The following GARS1 variants were observed in gnomAD, a reference collection of about 807,000 sequenced individuals.
GARS1 encodes glycine--tRNA ligase.
GARS1 carries 46 observed loss-of-function variants against 86.4 expected under a neutral mutation model. That is an observed-to-expected ratio of 0.53 (90% CI 0.42 to 0.68). The LOEUF is 0.68. Among genes scored for constraint, GARS1 ranks in the 30% least tolerant of loss-of-function variants. The pLI is 0.00. For synonymous variants in GARS1, 342 were observed against 329.8 expected (o/e 1.04, Z -0.40); for missense variants, 797 against 915.6 (o/e 0.87, Z 1.67).
At chr7:30,600,130 G>C (rs898416782) in intron 3 of GARS1, 81 bp downstream of exon 3, 1 of 1,026,574 alleles carries the variant, frequency 9.7e-7, no homozygotes, top group Non-Finnish European at 1.5e-6. Flanking sequence ...TGGCTTGCCT[G>C]TTGGTATCCA....
intron 6 of GARS1, among the ~76,000 whole-genome samples, chr7:30,603,890 G>A (rs1229492584): frequency 2.0e-5 from 3 of 152,192 alleles, no homozygotes; most frequent in Non-Finnish European, 4.4e-5. Flanking sequence ...CAGCACTGGT[G>A]TGGAGACTTC....
intron 13 of GARS1, among the ~76,000 whole-genome samples, chr7:30,627,809 C>CTTT (rs548892682): frequency 4.4e-4 from 67 of 152,316 alleles, no homozygotes; most frequent in African/African-American, 1.5e-3. Context: ...CCATGTAATA[C>CTTT]TTTTTGCATG....
At chr7:30,595,826 C>T in intron 1 of GARS1, 2 of 471,066 alleles carry the variant, frequency 4.2e-6, no homozygotes, top group South Asian at 1.5e-5. Context: ...CTGAAAAGGC[C>T]GTTTGGAACC....
Position 30,621,284 on chromosome 7 carries a change from C to T in GARS1, c.1360-109C>T. 1.2e-5 allele frequency: 11 copies of T among 901,692 alleles called. No homozygotes were observed. In the South Asian group the frequency reaches 1.3e-4, roughly 11 times the overall value. 55.9% of individuals were successfully genotyped at this position (901,692 alleles called of 1,614,324 possible). ...GAAATTTGAATGAAGATTATATCAT[C>T]GAATTATCATTGAATATATGAAAGG... On this transcript the variant is annotated intron_variant, in intron 10 of 16. Coordinates refer to ENST00000389266, the MANE Select transcript of GARS1 (RefSeq NM_002047.4).
intron 8 of GARS1, among the ~76,000 whole-genome samples, chr7:30,614,866 C>T (rs1249989762): frequency 7.2e-6 from 1 of 139,642 alleles, no homozygotes; most frequent in African/African-American, 2.8e-5. Flanking sequence ...AGCGAGACTC[C>T]GTCTCAAAAA....
At chr7:30,627,102 A>G (rs1270181907) in intron 13 of GARS1, 1 of 457,060 alleles carries the variant, frequency 2.2e-6, no homozygotes. Context: ...AGCACGTATG[A>G]AGGATGCTGA....
rs1242157793 is a variant in GARS1 at position 30,632,194 on chromosome 7, C to T, written c.1904-53C>T. The T allele has an allele frequency of 6.4e-7, 1 of 1,551,070 alleles. No individual in the cohort carries two copies. The highest frequency in any genetic ancestry group is 8.9e-7 in the Non-Finnish European group (1 of 1,129,092). ...CTTGTAAGACAGTAGTTAGATAACA[C>T]TGGGCTTAACTCCATTGTTTTATTT... On this transcript the variant is annotated intron_variant, in intron 15 of 16. Transcript: ENST00000389266. The surrounding 1 kb of genome is among the most constrained non-coding windows in gnomAD (Gnocchi z 4.1).
At chr7:30,599,924 A>G (rs777412815) in intron 2 of GARS1, 23 bp from the exon 3 acceptor site, 11 of 1,535,028 alleles carry the variant, frequency 7.2e-6, no homozygotes, top group Non-Finnish European at 9.9e-6. Flanking sequence ...CCACTCACTC[A>G]CTTTTTATTT....
At chr7:30,607,646 T>C (rs891294134) in intron 6 of GARS1, among the ~76,000 whole-genome samples, 2 of 152,178 alleles carry the variant, frequency 1.3e-5, no homozygotes, top group African/African-American at 2.4e-5. Flanking sequence ...TGTATACTTA[T>C]GTATCAAACC....
In GARS1 at chr7:30,632,264, C is replaced by G. The variant is rs191270471; in HGVS notation, c.1921C>G (p.His641Asp). 1 of 1,614,128 alleles carries G rather than the reference C, an allele frequency of 6.2e-7. No individual in the cohort carries two copies. Among genetic ancestry groups the G allele is most frequent in the Non-Finnish European group, 8.5e-7 (1 of 1,179,998 alleles). Residue 641 changes from histidine (H) to aspartate (D), a missense_variant, in exon 16 of 17, where the codon CAT (histidine) becomes GAT (aspartate). By Grantham distance (81) the His-to-Asp change is moderately conservative (BLOSUM62 -1). Coordinates refer to ENST00000389266, the MANE Select transcript of GARS1 (RefSeq NM_002047.4). This position sits in a 1 kb window ranked among gnomAD's most constrained non-coding sequence, Gnocchi z 4.1. Reference sequence around the variant, plus strand: ...TTGGATAGCGGAAGCCCTGACCAGGCATGGAGTATCTCACAAAGTAGACGA... The same window carrying G: ...TTGGATAGCGGAAGCCCTGACCAGGGATGGAGTATCTCACAAAGTAGACGA... Reference protein sequence around the residue: ...VKELSEALTRHGVSHKVDDSS... With the variant: ...VKELSEALTRDGVSHKVDDSS...
At chr7:30,628,766 A>C (rs534871714) in intron 14 of GARS1, 97 bp downstream of exon 14, 1 of 749,666 alleles carries the variant, frequency 1.3e-6, no homozygotes, top group Non-Finnish European at 2.4e-6. Flanking sequence ...AGAATGGTCA[A>C]TTAGTTATTA....
Position 30,632,559 on chromosome 7 carries a change from A to G in GARS1, c.2094+122A>G, listed in dbSNP as rs575011990. 5.8e-6 allele frequency: 6 copies of G among 1,042,866 alleles called. No individual in the cohort carries two copies. The Admixed American group carries it at 1.2e-4, about 21-fold the overall frequency. 64.6% of individuals were successfully genotyped at this position (1,042,866 alleles called of 1,614,324 possible). ...TTTTTTTTCTTTTTAATTTTAATGA[A>G]CGGCTTGTATCAGACAGAGCCCAGA... is the stretch of plus-strand genomic sequence containing the variant. On this transcript the variant is annotated intron_variant, in intron 16 of 16. Transcript: ENST00000389266. This position sits in a 1 kb window ranked among gnomAD's most constrained non-coding sequence, Gnocchi z 4.1.
intron 6 of GARS1, among the ~76,000 whole-genome samples, chr7:30,605,559 C>G (rs1322568054): frequency 6.6e-6 from 1 of 152,134 alleles, no homozygotes; most frequent in Non-Finnish European, 1.5e-5. Flanking sequence ...ACTCTGTAGC[C>G]CAGGCTGGAG....
rs369389062 is a variant in GARS1, at chr7:30,616,013, C to T, written c.1149C>T (p.Ser383=). 32 of 1,614,142 alleles carry T rather than the reference C, an allele frequency of 2.0e-5. No homozygotes were observed. Among genetic ancestry groups the T allele is most frequent in the African/African-American group, 1.9e-4 (14 of 75,020 alleles). Reference sequence around the variant, plus strand: ...TGTATTCAGCAAAAGCCCAGGTCAGCGGACAGTCCGCTCGGAAAATGCGCC... The same window carrying T: ...TGTATTCAGCAAAAGCCCAGGTCAGTGGACAGTCCGCTCGGAAAATGCGCC... ...LYLYSAKAQV[S]GQSARKMRLG... Residue 383 remains serine, a synonymous_variant, in exon 9 of 17, where the codon AGC becomes AGT. Coordinates refer to ENST00000389266, the MANE Select transcript of GARS1 (RefSeq NM_002047.4).
intron 5 of GARS1, 101 bp downstream of exon 5, chr7:30,603,223 C>A: frequency 1.0e-6 from 1 of 955,890 alleles, no homozygotes; most frequent in Non-Finnish European, 1.7e-6. Flanking sequence ...GCATAACATT[C>A]AAAGAGCAAA....
chr7:30,617,767 C>T (rs1782919007), intron 10 of GARS1, among the ~76,000 whole-genome samples: 1 of 152,212 alleles, frequency 6.6e-6, no homozygotes. Context: ...TCAAAATTCA[C>T]AGACGATCTC....
At chr7:30,625,470 G>A (rs1265116206) in intron 12 of GARS1, among the ~76,000 whole-genome samples, 2 of 152,164 alleles carry the variant, frequency 1.3e-5, no homozygotes, top group African/African-American at 4.8e-5. Flanking sequence ...CAACTATCCA[G>A]CTTCTGAGAC....
At chr7:30,624,279 G>GT (rs1783080887) in intron 12 of GARS1, among the ~76,000 whole-genome samples, 1 of 152,144 alleles carries the variant, frequency 6.6e-6, no homozygotes, top group Admixed American at 6.6e-5. Context: ...TATGAGAATT[G>GT]TTAAAGGCAC....
At chr7:30,609,994 G>C (rs1337695101) in intron 7 of GARS1, among the ~76,000 whole-genome samples, 1 of 152,148 alleles carries the variant, frequency 6.6e-6, no homozygotes, top group Non-Finnish European at 1.5e-5. Flanking sequence ...TAGCTGCATA[G>C]GGTAGAAGGG....
Sources: gnomAD v4.1 joint callset for allele counts (sites outside exome capture counted in the v4.1 genomes callset) on GRCh38, gnomAD v4.1.1 for gene constraint, Gnocchi (gnomAD v3.1) non-coding constraint, MANE v1.5 for transcripts, NCBI Gene and HGNC (gene_info 2026-07-23, HGNC 2026-07-21) for gene names.